Variants in DNAH2 observed in about 807,000 individuals in gnomAD.
DNAH2 encodes the protein dynein axonemal heavy chain 2.
DNAH2 carries 323 observed loss-of-function variants against 523.5 expected under a neutral mutation model. The observed-to-expected ratio is 0.62, with a 90% CI of 0.56 to 0.68. DNAH2 has a LOEUF of 0.68. Among genes scored for constraint, DNAH2 ranks in the 30% least tolerant of loss-of-function variants. DNAH2 has a pLI of 0.00. For synonymous variants in DNAH2, 2,093 were observed against 2,177.4 expected, an observed-to-expected ratio of 0.96 and a Z score of 1.08; for missense variants, 4,907 against 5,701.5, an observed-to-expected ratio of 0.86 and a Z score of 4.49.
chr17:7,792,177 G>A (rs1696667204), intron 45 of DNAH2, 75 bp from the exon 46 acceptor site: 2 of 1,601,096 alleles, frequency 1.2e-6, no homozygotes, highest in Non-Finnish European at 1.7e-6. Flanking sequence ...TCCACCCGGT[G>A]GTCTGGGGCC....
intron 53 of DNAH2, 127 bp downstream of exon 53, chr17:7,797,956 A>G: frequency 1.4e-6 from 2 of 1,419,660 alleles, no homozygotes; most frequent in Admixed American, 2.3e-5. Flanking sequence ...CTGGCCCCAG[A>G]TGCCCTGTGG....
At chr17:7,830,246 G>T in intron 77 of DNAH2, 54 bp from the exon 78 acceptor site, 1 of 1,538,118 alleles carries the variant, frequency 6.5e-7, no homozygotes, top group Non-Finnish European at 8.8e-7. Flanking sequence ...CAGTGCTAGT[G>T]GCAGGTCTGA....
intron 18 of DNAH2, among the ~76,000 whole-genome samples, chr17:7,761,716 C>T (rs2076010194): frequency 1.3e-5 from 2 of 152,086 alleles, no homozygotes; most frequent in Admixed American, 6.6e-5. Flanking sequence ...AACTCCTGAC[C>T]TCAAGTCATC....
intron 63 of DNAH2, among the ~76,000 whole-genome samples, chr17:7,809,166 C>G (rs562144846): frequency 2.6e-5 from 4 of 152,292 alleles, no homozygotes; most frequent in Middle Eastern, 3.4e-3. Context: ...CATACAATTT[C>G]AAACTGTTTT....
chr17:7,801,758 C>T (rs1419722966), intron 57 of DNAH2, 48 bp downstream of exon 57: 4 of 1,611,588 alleles, frequency 2.5e-6, no homozygotes, highest in South Asian at 1.1e-5. Context: ...CCTCCCTCTC[C>T]CCCGCCTCTC....
intron 72 of DNAH2, among the ~76,000 whole-genome samples, chr17:7,819,929 A>G (rs2077807329): frequency 6.6e-6 from 1 of 152,168 alleles, no homozygotes; most frequent in Non-Finnish European, 1.5e-5. Context: ...ACCAACACCC[A>G]CAACCCAGTC....
chr17:7,761,815 TCA>T (rs2076012983), intron 18 of DNAH2, among the ~76,000 whole-genome samples: 1 of 152,034 alleles, frequency 6.6e-6, no homozygotes, highest in Non-Finnish European at 1.5e-5. Flanking sequence ...TGATCTTAAC[TCA>T]CATCTTTTTA....
chr17:7,793,787 C>T (rs751823956), intron 48 of DNAH2, among the ~76,000 whole-genome samples: 5 of 152,068 alleles, frequency 3.3e-5, no homozygotes, highest in East Asian at 1.9e-4. Context: ...CAGCGGCCAT[C>T]GCGGCCTGGC....
chr17:7,790,323 G>T (rs902228319), intron 44 of DNAH2, among the ~76,000 whole-genome samples: 1 of 152,086 alleles, frequency 6.6e-6, no homozygotes. Flanking sequence ...CAACTTCCTG[G>T]GCTCAAACAA....
intron 4 of DNAH2, 97 bp from the exon 5 acceptor site, chr17:7,732,990 C>A: frequency 8.3e-7 from 1 of 1,206,466 alleles, no homozygotes; most frequent in Non-Finnish European, 1.2e-6. Context: ...GATCAGGATA[C>A]CCTGAGGGAC....
At chr17:7,738,818 C>T (rs994791134) in intron 8 of DNAH2, 16 of 595,402 alleles carry the variant, frequency 2.7e-5, no homozygotes, top group East Asian at 5.6e-5. Flanking sequence ...GGTTGTTTCT[C>T]GGGGTCTGAT....
chr17:7,734,776 C>T, intron 7 of DNAH2, 68 bp downstream of exon 7: 2 of 1,526,660 alleles, frequency 1.3e-6, no homozygotes, highest in Admixed American at 1.7e-5. Flanking sequence ...ATACAGGGAG[C>T]TAAGTAAGGA....
rs774297078 is a variant in DNAH2, at chr17:7,759,530, G to A, written c.2557G>A (p.Gly853Arg). 113 of 1,614,060 alleles carry A rather than the reference G, an allele frequency of 7.0e-5. No homozygotes were observed. The highest frequency in any genetic ancestry group is 8.7e-5 in the Non-Finnish European group (103 of 1,180,042). ...GCTAGAACTATCCAAGGCTATCAAC[G>A]GGGATGGAAAGACCAGCCCAAACCC... ...SLLELSKAIN[G>R]DGKTSPNPLF... Residue 853 changes from glycine to arginine, a missense_variant, in exon 16 of 86, where the codon GGG (glycine) becomes AGG (arginine). By Grantham distance (125) the Gly-to-Arg change is moderately radical (BLOSUM62 -2). Coordinates refer to ENST00000572933, the MANE Select transcript of DNAH2 (RefSeq NM_020877.5).
At chr17:7,749,736 C>T (rs1404989837) in intron 12 of DNAH2, among the ~76,000 whole-genome samples, 3 of 151,998 alleles carry the variant, frequency 2.0e-5, no homozygotes, top group Non-Finnish European at 2.9e-5. Flanking sequence ...GTGGCTCATG[C>T]CTCTAATCCC....
chr17:7,803,713 G>T (rs1485044173), intron 58 of DNAH2, among the ~76,000 whole-genome samples: 1 of 152,116 alleles, frequency 6.6e-6, no homozygotes, highest in African/African-American at 2.4e-5. Context: ...AGTGGCTCAT[G>T]CCTGTAATCC....
intron 73 of DNAH2, among the ~76,000 whole-genome samples, chr17:7,822,355 C>T (rs545955727): frequency 6.6e-6 from 1 of 152,324 alleles, no homozygotes; most frequent in Admixed American, 6.5e-5. Flanking sequence ...CCACTCCACT[C>T]CAGCCACGCA....
At position 7,807,024 on chromosome 17, in the gene DNAH2, G is replaced by T; in HGVS notation, c.9443-126G>T. ...GAGGGAGGAACTAGGGGCCAGGTCA[G>T]ATAATTTGGCCTTAGGAACTGAGCC... On this transcript the variant is annotated intron_variant, in intron 61 of 85. Transcript: ENST00000572933. The surrounding 1 kb of genome is among the most constrained non-coding windows in gnomAD (Gnocchi z 5.6). The T allele has an allele frequency of 8.7e-7, 1 of 1,152,898 alleles. No individual in the cohort carries two copies. The highest frequency in any genetic ancestry group is 1.5e-5 in the African/African-American group (1 of 64,936). 71.4% of individuals were successfully genotyped at this position (1,152,898 alleles called of 1,614,324 possible).
chr17:7,781,241 G>A (rs1403559804), intron 39 of DNAH2, 74 bp downstream of exon 39: 13 of 1,541,662 alleles, frequency 8.4e-6, no homozygotes, highest in Middle Eastern at 1.7e-4. Flanking sequence ...TTGGGAGGCC[G>A]AGGTGGGCAG....
intron 11 of DNAH2, among the ~76,000 whole-genome samples, chr17:7,741,283 T>C (rs1431675007): frequency 3.4e-5 from 2 of 59,240 alleles, no homozygotes; most frequent in African/African-American, 1.9e-4. Flanking sequence ...TCTTTCTTTC[T>C]TTCTTTCTTT....
Sources: gnomAD v4.1 joint callset for allele counts (sites outside exome capture counted in the v4.1 genomes callset) on GRCh38, gnomAD v4.1.1 for gene constraint, Gnocchi (gnomAD v3.1) non-coding constraint, MANE v1.5 for transcripts, NCBI Gene and HGNC (gene_info 2026-07-23, HGNC 2026-07-21) for gene names.